The following TMCO1 variants were observed in gnomAD, a reference collection of about 807,000 sequenced individuals.
TMCO1 encodes calcium load-activated calcium channel.
A neutral mutation model predicts 29.3 loss-of-function variants in TMCO1; 29 were observed. The ratio of observed to expected loss-of-function variants is 0.99; its 90% confidence interval spans 0.74 to 1.35. The LOEUF (loss-of-function observed/expected upper bound fraction) is 1.35. Among genes scored for constraint, TMCO1 ranks in the 40% most tolerant of loss-of-function variants. The pLI is 0.00. For synonymous variants in TMCO1, 80 were observed against 77.1 expected (o/e 1.04, Z -0.20); for missense variants, 173 against 225.5 (o/e 0.77, Z 1.49).
At chr1:165,741,120 T>C (rs1470564064) in intron 6 of TMCO1, among the ~76,000 whole-genome samples, 1 of 152,226 alleles carries the variant, frequency 6.6e-6, no homozygotes, top group Non-Finnish European at 1.5e-5. Flanking sequence ...CATACTCTTC[T>C]TTCTTCTATT....
intron 5 of TMCO1, among the ~76,000 whole-genome samples, chr1:165,747,925 G>A (rs1275793984): frequency 1.3e-5 from 2 of 152,158 alleles, no homozygotes; most frequent in Admixed American, 1.3e-4. Context: ...CTGGGAGGCC[G>A]AGGCAGGCAG....
At chr1:165,731,881 A>T (rs1423324404) in intron 6 of TMCO1, among the ~76,000 whole-genome samples, 3 of 152,258 alleles carry the variant, frequency 2.0e-5, no homozygotes, top group African/African-American at 7.2e-5. Flanking sequence ...TGGGAACACT[A>T]AATTAAATGT....
intron 5 of TMCO1, among the ~76,000 whole-genome samples, chr1:165,748,892 T>C (rs957279035): frequency 1.3e-5 from 2 of 152,368 alleles, no homozygotes; most frequent in South Asian, 2.1e-4. Flanking sequence ...ATCTTTTTAC[T>C]GTCTCCATAG....
At chr1:165,752,254 T>A in intron 4 of TMCO1, 85 bp from the exon 5 acceptor site, 1 of 355,848 alleles carries the variant, frequency 2.8e-6, no homozygotes, top group Admixed American at 5.2e-5. Flanking sequence ...TTCATGTCAT[T>A]TTTTTTTTTT....
chr1:165,745,740 T>C (rs1174020567), intron 5 of TMCO1, among the ~76,000 whole-genome samples: 1 of 152,210 alleles, frequency 6.6e-6, no homozygotes, highest in Non-Finnish European at 1.5e-5. Context: ...AGACTTTTAA[T>C]TTCATATGCC....
At chr1:165,736,577 C>T (rs184790012) in intron 6 of TMCO1, among the ~76,000 whole-genome samples, 10 of 152,064 alleles carry the variant, frequency 6.6e-5, no homozygotes, top group South Asian at 2.1e-4. Context: ...CAAAATTAGC[C>T]GGGCATGGTA....
intron 3 of TMCO1, among the ~76,000 whole-genome samples, chr1:165,758,438 C>T (rs186397465): frequency 2.6e-4 from 40 of 152,030 alleles, no homozygotes; most frequent in African/African-American, 9.2e-4. Flanking sequence ...TGCCTATAGT[C>T]CCACCTACTC....
At chr1:165,748,712 T>C (rs929506191) in intron 5 of TMCO1, among the ~76,000 whole-genome samples, 1 of 152,320 alleles carries the variant, frequency 6.6e-6, no homozygotes, top group South Asian at 2.1e-4. Context: ...AAGTCCATGG[T>C]TGACATTAGG....
At chr1:165,749,076 C>A (rs1651904956) in intron 5 of TMCO1, among the ~76,000 whole-genome samples, 1 of 152,114 alleles carries the variant, frequency 6.6e-6, no homozygotes, top group African/African-American at 2.4e-5. Context: ...TTTGTTTATC[C>A]TTTCACCTAC....
At chr1:165,751,335 C>T (rs889963936) in intron 5 of TMCO1, among the ~76,000 whole-genome samples, 9 of 152,270 alleles carry the variant, frequency 5.9e-5, no homozygotes, top group Non-Finnish European at 1.0e-4. Context: ...ATAATGCCTA[C>T]GCCTTATGTC....
intron 5 of TMCO1, among the ~76,000 whole-genome samples, chr1:165,746,453 TCACACACACACACA>T (rs59467463): frequency 7.6e-5 from 10 of 132,324 alleles, no homozygotes; most frequent in Non-Finnish European, 1.4e-4. Flanking sequence ...AAGACCTATA[TCACACACACACACA>T]CACACACACA....
intron 6 of TMCO1, among the ~76,000 whole-genome samples, chr1:165,737,969 AT>A (rs1169578147): frequency 1.3e-5 from 2 of 152,122 alleles, no homozygotes; most frequent in Non-Finnish European, 2.9e-5. Context: ...TAGTCCCTAT[AT>A]CCATTACAAA....
intron 6 of TMCO1, among the ~76,000 whole-genome samples, chr1:165,735,511 A>ATTTT (rs34062484): frequency 2.9e-4 from 32 of 110,278 alleles, no homozygotes; most frequent in African/African-American, 1.1e-3. Context: ...TCTCTGCTTA[A>ATTTT]TTTTTTTTTT....
At chr1:165,767,675 T>C (rs904486551) in intron 2 of TMCO1, among the ~76,000 whole-genome samples, 2 of 152,216 alleles carry the variant, frequency 1.3e-5, no homozygotes, top group Admixed American at 1.3e-4. Context: ...CACAACTGAA[T>C]GAAGCCTCTT....
intron 5 of TMCO1, among the ~76,000 whole-genome samples, chr1:165,747,342 A>G (rs1477419926): frequency 1.6e-5 from 2 of 128,682 alleles, no homozygotes; most frequent in Admixed American, 1.6e-4. Context: ...AATATGAAAT[A>G]TTACTTATAC....
intron 5 of TMCO1, among the ~76,000 whole-genome samples, chr1:165,744,853 G>A (rs1447751815): frequency 6.7e-6 from 1 of 150,032 alleles, no homozygotes; most frequent in African/African-American, 2.4e-5. Flanking sequence ...TTATGTAAAT[G>A]ATTCAGGAAG....
At chr1:165,734,584 A>G (rs1651296048) in intron 6 of TMCO1, among the ~76,000 whole-genome samples, 1 of 151,904 alleles carries the variant, frequency 6.6e-6, no homozygotes, top group Non-Finnish European at 1.5e-5. Flanking sequence ...GCTCACTGCA[A>G]CCTCCACCAC....
chr1:165,759,678 G>A (rs1652328247), intron 2 of TMCO1, 94 bp from the exon 3 acceptor site: 1 of 1,089,008 alleles, frequency 9.2e-7, no homozygotes, highest in Non-Finnish European at 1.4e-6. Flanking sequence ...AAAGAAGCTT[G>A]CAAGAAAGTT....
At chr1:165,724,586 G>A (rs547370244), downstream of TMCO1, 1 of 454,044 alleles carries the variant, frequency 2.2e-6, no homozygotes, top group Admixed American at 2.3e-5. Context: ...ACCAGCTCTG[G>A]GGTGGGGCCC....
Sources: allele counts gnomAD v4.1 joint callset (sites outside exome capture counted in the v4.1 genomes callset), GRCh38; gene constraint gnomAD v4.1.1; transcripts MANE v1.5; gene names NCBI Gene and HGNC (gene_info 2026-07-23, HGNC 2026-07-21).